HS2ST1: variants seen among roughly 807,000 people sequenced by gnomAD.
HS2ST1 encodes 2-O-sulfotransferase.
Under a neutral mutation model 42.9 loss-of-function variants are expected in HS2ST1, and 18 were observed. That is an observed-to-expected ratio of 0.42 (90% CI 0.29 to 0.62). The LOEUF (loss-of-function observed/expected upper bound fraction) is 0.62. Among genes scored for constraint, HS2ST1 ranks in the 20% least tolerant of loss-of-function variants. The pLI, the probability that HS2ST1 is intolerant of heterozygous loss-of-function variation, is 0.21. For synonymous variants in HS2ST1, 146 were observed against 152.9 expected (o/e 0.95, Z 0.33); for missense variants, 334 against 433.8 (o/e 0.77, Z 2.04).
intron 1 of HS2ST1, among the ~76,000 whole-genome samples, chr1:87,004,339 C>T (rs924652343): frequency 2.6e-5 from 4 of 151,994 alleles, no homozygotes; most frequent in African/African-American, 4.8e-5. Context: ...TGCAGCGAGC[C>T]GAGATCACGC....
intron 4 of HS2ST1, 146 bp from the exon 5 acceptor site, chr1:87,097,692 G>A: frequency 1.1e-6 from 1 of 888,262 alleles, no homozygotes; most frequent in Non-Finnish European, 1.7e-6. Context: ...GTGCCCAACT[G>A]TGATTAATTT....
At chr1:87,021,546 A>T (rs1649952156) in intron 1 of HS2ST1, among the ~76,000 whole-genome samples, 2 of 152,200 alleles carry the variant, frequency 1.3e-5, no homozygotes, top group South Asian at 4.1e-4. Context: ...ACAAGATTTC[A>T]CTCTGTCATC....
At chr1:86,981,446 C>G (rs1161317082) in intron 1 of HS2ST1, among the ~76,000 whole-genome samples, 3 of 152,200 alleles carry the variant, frequency 2.0e-5, no homozygotes, top group African/African-American at 7.2e-5. Flanking sequence ...AGACAAGTCC[C>G]TTCTACCTGT....
chr1:87,005,917 A>G (rs1298449327), intron 1 of HS2ST1, among the ~76,000 whole-genome samples: 2 of 152,140 alleles, frequency 1.3e-5, no homozygotes, highest in African/African-American at 4.8e-5. Context: ...TGTTGTCTCT[A>G]CTTCTTCCAT....
chr1:87,053,393 A>C (rs1201777977), intron 1 of HS2ST1, among the ~76,000 whole-genome samples: 1 of 152,206 alleles, frequency 6.6e-6, no homozygotes, highest in Non-Finnish European at 1.5e-5. Context: ...CTACCAGTTT[A>C]ATATCAAAAT....
At chr1:86,948,656 T>A (rs1473201044) in intron 1 of HS2ST1, among the ~76,000 whole-genome samples, 2 of 152,208 alleles carry the variant, frequency 1.3e-5, no homozygotes, top group Non-Finnish European at 2.9e-5. Flanking sequence ...AATGTGCCAT[T>A]TATTTTTAAT....
rs191673353 is a variant in HS2ST1, at chr1:87,030,653, A to C, written c.125-42281A>C. 7.2e-5 allele frequency among the ~76,000 whole-genome samples: 11 copies of C among 152,324 alleles called. No homozygotes were observed. The East Asian group carries it at 2.1e-3, about 29-fold the overall frequency. ...CCAGATTTTTTCTAAGTAACAAAGAAATTTATTTGTATATTGTGATATGAT... is the reference window on the plus strand; with the variant it reads ...CCAGATTTTTTCTAAGTAACAAAGACATTTATTTGTATATTGTGATATGAT... On this transcript the variant is annotated intron_variant, in intron 1 of 6. Coordinates refer to ENST00000370550, the MANE Select transcript of HS2ST1 (RefSeq NM_012262.4).
intron 1 of HS2ST1, among the ~76,000 whole-genome samples, chr1:86,920,712 T>G (rs1660273863): frequency 6.6e-6 from 1 of 152,208 alleles, no homozygotes; most frequent in South Asian, 2.1e-4. Context: ...TAGATGAACT[T>G]CATAATCATG....
intron 1 of HS2ST1, among the ~76,000 whole-genome samples, chr1:86,964,264 C>A (rs1304963109): frequency 6.6e-6 from 1 of 152,236 alleles, no homozygotes; most frequent in Admixed American, 6.5e-5. Context: ...GCAATCTCGG[C>A]ACTTTGGGAG....
At chr1:86,920,144 C>T (rs530373066) in intron 1 of HS2ST1, among the ~76,000 whole-genome samples, 31 of 152,156 alleles carry the variant, frequency 2.0e-4, no homozygotes, top group Non-Finnish European at 3.8e-4. Flanking sequence ...TATTTGTTGA[C>T]TGTATTCTTA....
intron 1 of HS2ST1, among the ~76,000 whole-genome samples, chr1:87,051,759 T>C (rs1650837895): frequency 6.6e-6 from 1 of 152,200 alleles, no homozygotes; most frequent in East Asian, 1.9e-4. Context: ...TAAAGAATTG[T>C]AGTTTACAGG....
chr1:87,095,966 C>CT (rs374234551), intron 4 of HS2ST1, among the ~76,000 whole-genome samples: 23,503 of 126,046 alleles, frequency 0.19, 1,972 homozygotes, highest in African/African-American at 0.21. Flanking sequence ...AGCCGGTTTT[C>CT]TTTTTTTTTT....
At chr1:86,949,033 G>A (rs1488955456) in intron 1 of HS2ST1, among the ~76,000 whole-genome samples, 1 of 152,118 alleles carries the variant, frequency 6.6e-6, no homozygotes, top group Non-Finnish European at 1.5e-5. Context: ...ATTTTAAAAA[G>A]CTGATTAAGT....
chr1:86,976,704 G>GTATGTGTATATATATATATATA (rs1553134338), intron 1 of HS2ST1, among the ~76,000 whole-genome samples: 32 of 79,710 alleles, frequency 4.0e-4, no homozygotes, highest in African/African-American at 1.1e-3. Flanking sequence ...TTATAAAATT[G>GTATGTGTATATATATATATATA]TATATATATA....
chr1:86,952,248 CT>C (rs894009642), intron 1 of HS2ST1, among the ~76,000 whole-genome samples: 20 of 151,992 alleles, frequency 1.3e-4, no homozygotes, highest in African/African-American at 4.8e-4. Flanking sequence ...ATAATAAATA[CT>C]TTTTTTGAGA....
At position 86,953,786 on chromosome 1, in the gene HS2ST1, G is replaced by A. The variant is rs536820963; in HGVS notation, c.124+38626G>A. On this transcript the variant is annotated intron_variant, in intron 1 of 6. Coordinates refer to ENST00000370550, the MANE Select transcript of HS2ST1 (RefSeq NM_012262.4). ...AAAAATAAAAAAATTTAAAAATAAA[G>A]TGAATGACATGGGACTCTTCCTTTC... is the stretch of plus-strand genomic sequence containing the variant. Among the ~76,000 whole-genome samples the A allele has an allele frequency of 1.9e-3, 290 of 151,836 alleles. 1 individual carries two copies. The highest frequency in any genetic ancestry group is 6.6e-3 in the African/African-American group (275 of 41,436).
At chr1:86,927,304 G>A (rs547912220) in intron 1 of HS2ST1, among the ~76,000 whole-genome samples, 2 of 152,206 alleles carry the variant, frequency 1.3e-5, no homozygotes, top group South Asian at 2.1e-4. Context: ...GATCTTCAAC[G>A]TGGCATGGCA....
At chr1:87,027,690 G>T (rs994189446) in intron 1 of HS2ST1, among the ~76,000 whole-genome samples, 1 of 152,070 alleles carries the variant, frequency 6.6e-6, no homozygotes, top group Admixed American at 6.6e-5. Context: ...ATGGGACATA[G>T]ATGTTTTTTC....
intron 1 of HS2ST1, among the ~76,000 whole-genome samples, chr1:86,924,031 T>C (rs1660360177): frequency 6.6e-6 from 1 of 152,150 alleles, no homozygotes; most frequent in African/African-American, 2.4e-5. Context: ...GCCTGTAAAA[T>C]CAAAAGCAAG....
Sources: allele counts gnomAD v4.1 joint callset (sites outside exome capture counted in the v4.1 genomes callset), GRCh38; gene constraint gnomAD v4.1.1; transcripts MANE v1.5; gene names NCBI Gene and HGNC (gene_info 2026-07-23, HGNC 2026-07-21).